Variants in GTF2A1 observed in about 807,000 individuals in gnomAD.
GTF2A1 encodes the protein general transcription factor IIA subunit 1.
GTF2A1 carries 12 observed loss-of-function variants against 54.1 expected under a neutral mutation model. The ratio of observed to expected loss-of-function variants is 0.22; its 90% CI spans 0.14 to 0.36. The LOEUF (loss-of-function observed/expected upper bound fraction) is 0.36. GTF2A1 is among the 10% of genes least tolerant of loss of function. The pLI is 1.00. For missense variants in GTF2A1, 335 were observed against 442.2 expected (o/e 0.76, Z 2.17); for synonymous variants, 145 against 152.0 (o/e 0.95, Z 0.34).
Position 81,192,443 on chromosome 14 carries a change from T to C in GTF2A1, c.933+76A>G, listed in dbSNP as rs140216904. 8.6e-4 allele frequency: 934 copies of C among 1,081,994 alleles called. 5 individuals carry two copies. In the African/African-American group the frequency reaches 0.013, roughly 16 times the overall value. The allele number at this position is 1,081,994 out of a possible 1,614,324, so 67.0% of individuals were successfully genotyped here. On this transcript the variant is annotated intron_variant, in intron 7 of 8. Coordinates refer to ENST00000553612, the MANE Select transcript of GTF2A1 (RefSeq NM_015859.4). Reference sequence around the variant, plus strand: ...AACAGTCTCTGAAAAAAACAGGATATAATTTATCAGTGTTGTACCAACTAA... The same window carrying C: ...AACAGTCTCTGAAAAAAACAGGATACAATTTATCAGTGTTGTACCAACTAA...
Position 81,186,076 on chromosome 14 carries a change from C to T in GTF2A1, c.934-456G>A, listed in dbSNP as rs1490997767. Among the ~76,000 whole-genome samples the T allele has an allele frequency of 4.8e-5, 5 of 104,960 alleles. No individual in the cohort carries two copies. In the East Asian group the frequency reaches 1.1e-3, roughly 23 times the overall value. The allele number at this position is 104,960 out of a possible 152,430, so 68.9% of individuals were successfully genotyped here. A position where few individuals can be genotyped will look rare whatever the true frequency, so the allele number is the denominator to read the frequency against. On this transcript the variant is annotated intron_variant, in intron 7 of 8. Transcript: ENST00000553612. ...CAATGTTGGCCAAGATGGTCTTGAT[C>T]TCTTGACCTCGTGATCCACCCCGCC...
intron 1 of GTF2A1, among the ~76,000 whole-genome samples, chr14:81,218,437 A>G (rs1893534977): frequency 6.6e-6 from 1 of 152,228 alleles, no homozygotes; most frequent in Non-Finnish European, 1.5e-5. Context: ...CTAACGAGTA[A>G]TTTAGCAGAA....
At chr14:81,204,170 T>G in intron 2 of GTF2A1, 66 bp from the exon 3 acceptor site, 1 of 994,766 alleles carries the variant, frequency 1.0e-6, no homozygotes, top group Non-Finnish European at 1.6e-6. Context: ...TACAACAGTT[T>G]TATTAATCTC....
At chr14:81,208,776 A>G (rs537919594) in intron 2 of GTF2A1, among the ~76,000 whole-genome samples, 1 of 152,342 alleles carries the variant, frequency 6.6e-6, no homozygotes, top group Non-Finnish European at 1.5e-5. Flanking sequence ...CTGGAGTCAA[A>G]GGAGATCACT....
intron 2 of GTF2A1, among the ~76,000 whole-genome samples, chr14:81,208,343 G>C (rs758352093): frequency 6.6e-6 from 1 of 152,182 alleles, no homozygotes. Context: ...TGAGCCTGCA[G>C]GTGCACAGAA....
chr14:81,220,071 CCA>C (rs1006814512), intron 1 of GTF2A1, among the ~76,000 whole-genome samples: 22 of 139,006 alleles, frequency 1.6e-4, no homozygotes, highest in African/African-American at 4.6e-4. Context: ...GCCCGATTCC[CCA>C]CACACAGTTT....
intron 8 of GTF2A1, among the ~76,000 whole-genome samples, chr14:81,180,564 G>T (rs1892618921): frequency 6.6e-6 from 1 of 152,042 alleles, no homozygotes; most frequent in African/African-American, 2.4e-5. Flanking sequence ...CTCCCAAAGT[G>T]TTGGGATTAC....
intron 8 of GTF2A1, among the ~76,000 whole-genome samples, chr14:81,182,455 T>G (rs1892659558): frequency 6.6e-6 from 1 of 152,224 alleles, no homozygotes; most frequent in African/African-American, 2.4e-5. Context: ...CATTCTTGAT[T>G]CCTTTTTCTT....
Position 81,220,543 on chromosome 14 carries a change from G to A in GTF2A1, c.-25C>T, listed in dbSNP as rs1403985491. On this transcript the variant is annotated 5_prime_UTR_variant, in exon 1 of 9. Transcript: ENST00000553612. The stretch of plus-strand genomic sequence containing the variant: ...TTTCCACACACAACACAAACAAGAG[G>A]GGGCAACCCCAAGAAAACAAGATAA... The A allele has an allele frequency of 1.9e-6, 3 of 1,552,474 alleles. No individual in the cohort carries two copies. Among genetic ancestry groups the A allele is most frequent in the Admixed American group, 1.9e-5 (1 of 51,838 alleles).
Position 81,192,558 on chromosome 14 carries a change from G to A in GTF2A1, c.894C>T (p.Asp298=). 6.2e-7 allele frequency: 1 copy of A among 1,613,082 alleles called. No homozygotes were observed. The highest frequency in any genetic ancestry group is 8.5e-7 in the Non-Finnish European group (1 of 1,179,354). Residue 298 remains aspartate (D), a synonymous_variant, in exon 7 of 9, where the codon GAC becomes GAT. Coordinates refer to ENST00000553612, the MANE Select transcript of GTF2A1 (RefSeq NM_015859.4). ...EEDYDDDEEE[D]KEKDGAEDGQ... ...CATCTTCAGCTCCATCTTTCTCTTTGTCTTCCTCCTCATCATCATCATAGT... is the reference window on the plus strand; with the variant it reads ...CATCTTCAGCTCCATCTTTCTCTTTATCTTCCTCCTCATCATCATCATAGT...
intron 3 of GTF2A1, among the ~76,000 whole-genome samples, chr14:81,201,936 G>C (rs1198344798): frequency 6.6e-6 from 1 of 152,144 alleles, no homozygotes; most frequent in African/African-American, 2.4e-5. Flanking sequence ...AAGGCGGGTG[G>C]ATCACTTGAG....
intron 4 of GTF2A1, among the ~76,000 whole-genome samples, chr14:81,200,624 C>A (rs1471280573): frequency 7.2e-6 from 1 of 138,814 alleles, no homozygotes; most frequent in African/African-American, 2.7e-5. Context: ...AAGACTCCAT[C>A]TTCAAAAAAA....
chr14:81,211,880 T>C (rs1466612323), intron 2 of GTF2A1, among the ~76,000 whole-genome samples: 3 of 42,102 alleles, frequency 7.1e-5, no homozygotes, highest in South Asian at 8.3e-4. Flanking sequence ...GTACTTTATA[T>C]ATATATATAT....
intron 7 of GTF2A1, among the ~76,000 whole-genome samples, chr14:81,191,901 T>C (rs1025954836): frequency 6.6e-6 from 1 of 152,184 alleles, no homozygotes; most frequent in Non-Finnish European, 1.5e-5. Context: ...AAAGACTGCA[T>C]TTTAGGCTAA....
chr14:81,190,078 TATCATGA>T, intron 7 of GTF2A1, among the ~76,000 whole-genome samples: 5 of 151,972 alleles, frequency 3.3e-5, no homozygotes, highest in Non-Finnish European at 7.4e-5. Flanking sequence ...AAAAAGACAA[TATCATGA>T]TTAACTTCAT....
chr14:81,183,091 A>G (rs1892672449), intron 8 of GTF2A1, among the ~76,000 whole-genome samples: 1 of 152,216 alleles, frequency 6.6e-6, no homozygotes, highest in East Asian at 1.9e-4. Context: ...ATCCTAATTT[A>G]TTATGTTTTA....
chr14:81,188,542 T>C (rs1158814182), intron 7 of GTF2A1, among the ~76,000 whole-genome samples: 1 of 151,878 alleles, frequency 6.6e-6, no homozygotes, highest in Non-Finnish European at 1.5e-5. Flanking sequence ...GAGGCCGAGG[T>C]GGGCAGATCA....
intron 1 of GTF2A1, among the ~76,000 whole-genome samples, chr14:81,217,839 C>A (rs548504147): frequency 5.9e-5 from 9 of 152,306 alleles, no homozygotes; most frequent in Non-Finnish European, 1.0e-4. Flanking sequence ...TTTACCTCAA[C>A]CATTAAATAC....
intron 8 of GTF2A1, among the ~76,000 whole-genome samples, chr14:81,182,209 C>T (rs1476829804): frequency 2.0e-5 from 3 of 152,082 alleles, no homozygotes; most frequent in African/African-American, 4.8e-5. Context: ...AAACAAAGCA[C>T]AATAAAGGTA....
Sources: gnomAD v4.1 joint callset for allele counts (sites outside exome capture counted in the v4.1 genomes callset) on GRCh38, gnomAD v4.1.1 for gene constraint, MANE v1.5 for transcripts, NCBI Gene and HGNC (gene_info 2026-07-23, HGNC 2026-07-21) for gene names.